The following DHX30 variants were observed in gnomAD, a reference collection of about 807,000 sequenced individuals.
DHX30 encodes ATP-dependent RNA helicase DHX30.
In DHX30, 4 loss-of-function variants were observed where a neutral mutation model predicts 116.9. That is an observed-to-expected ratio of 0.03 (90% CI 0.02 to 0.08). DHX30 has a LOEUF of 0.08. DHX30 is among the 10% of genes least tolerant of loss of function. The pLI, the probability that DHX30 is intolerant of heterozygous loss-of-function variation, is 1.00. For synonymous variants in DHX30, 697 were observed against 651.7 expected, an observed-to-expected ratio of 1.07 and a Z score of -1.06; for missense variants, 871 against 1,595.1, an observed-to-expected ratio of 0.55 and a Z score of 7.73.
chr3:47,803,571 A>G (rs976324646), intron 1 of DHX30, among the ~76,000 whole-genome samples: 2 of 152,148 alleles, frequency 1.3e-5, no homozygotes, highest in Non-Finnish European at 2.9e-5. Context: ...TTCCCCAGGC[A>G]GGGCCTGGAG....
chr3:47,843,346 GA>G, intron 9 of DHX30, 91 bp downstream of exon 9: 1 of 1,544,338 alleles, frequency 6.5e-7, no homozygotes, highest in Non-Finnish European at 8.8e-7. Context: ...TCTAGGAAAT[GA>G]AACCACCACA....
chr3:47,842,099 TCG>T (rs2037401534), intron 8 of DHX30: 1 of 204,212 alleles, frequency 4.9e-6, no homozygotes. Context: ...TTACTTTAAC[TCG>T]TTGCTTTGAA....
chr3:47,808,554 T>C (rs1464337667), intron 2 of DHX30, among the ~76,000 whole-genome samples: 1 of 151,544 alleles, frequency 6.6e-6, no homozygotes, highest in African/African-American at 2.4e-5. Flanking sequence ...ATTGTTTCTT[T>C]TTTTTTTTTC....
rs1327504985 is a variant in DHX30 at position 47,827,430 on chromosome 3, G to A, written c.208G>A (p.Ala70Thr). The change falls in exon 5 of 22, where the codon GCA (alanine) becomes ACA (threonine). Residue 70 changes from alanine to threonine, a missense_variant. Ala to Thr is a moderately conservative substitution (Grantham distance 58). Around this residue, in one of 13 missense-constraint regions of DHX30, gnomAD observed 66 missense variants for 153.9 expected, o/e 0.43. Coordinates refer to ENST00000445061, the MANE Select transcript of DHX30 (RefSeq NM_138615.3). ...TGGAAGAGCCCTCGGCATCTCACAT[G>A]CAAAAGACAAACTAGTCTACGTGCA... ...VIGRALGISH[A>T]KDKLVYVHTN... 6.2e-7 allele frequency: 1 copy of A among 1,613,820 alleles called. No individual in the cohort carries two copies. The highest frequency in any genetic ancestry group is 8.5e-7 in the Non-Finnish European group (1 of 1,179,924).
At chr3:47,819,802 T>C (rs1169853217) in intron 4 of DHX30, among the ~76,000 whole-genome samples, 1 of 152,168 alleles carries the variant, frequency 6.6e-6, no homozygotes, top group Non-Finnish European at 1.5e-5. Context: ...CCACTGCCAA[T>C]GTCTTCCCAA....
intron 2 of DHX30, among the ~76,000 whole-genome samples, chr3:47,805,685 C>G (rs1396895626): frequency 6.6e-6 from 1 of 151,886 alleles, no homozygotes; most frequent in African/African-American, 2.4e-5. Flanking sequence ...ATTACAGGCG[C>G]CTGCCACCAT....
chr3:47,805,037 C>T (rs2035455151), intron 1 of DHX30, among the ~76,000 whole-genome samples: 1 of 152,190 alleles, frequency 6.6e-6, no homozygotes, highest in African/African-American at 2.4e-5. Flanking sequence ...TTGCTCTGGG[C>T]TTCCAGAAAA....
In DHX30 at chr3:47,818,061, C is replaced by T. The variant is rs141621111; in HGVS notation, c.68C>T (p.Pro23Leu). ...QHRQRQCKLPPPRLPPMCVNP... is the reference protein window; with the variant it reads ...QHRQRQCKLPLPRLPPMCVNP... ...AGGCAGCGTCAGTGCAAACTTCCCC[C>T]ACCCCGCCTTCCACCCATGTGTGTC... The change falls in exon 4 of 22, where the codon CCA becomes CTA. Residue 23 changes from proline (P) to leucine (L), a missense_variant. Coordinates refer to ENST00000445061, the MANE Select transcript of DHX30 (RefSeq NM_138615.3). The T allele has an allele frequency of 5.1e-6, 4 of 781,074 alleles. No homozygotes were observed. The highest frequency in any genetic ancestry group is 1.7e-5 in the Admixed American group (1 of 59,026). The allele number at this position is 781,074 out of a possible 1,614,324, so 48.4% of individuals were successfully genotyped here.
intron 8 of DHX30, chr3:47,842,746 G>A (rs2037437895): frequency 5.2e-6 from 1 of 191,794 alleles, no homozygotes; most frequent in Non-Finnish European, 1.1e-5. Flanking sequence ...TCCAGGTGCA[G>A]GGTCTTTTTG....
At chr3:47,806,234 C>G (rs1418032011) in intron 2 of DHX30, among the ~76,000 whole-genome samples, 4 of 151,604 alleles carry the variant, frequency 2.6e-5, no homozygotes, top group Non-Finnish European at 5.9e-5. Flanking sequence ...ACCTCTGCCT[C>G]CTGGGTTCAA....
intron 6 of DHX30, among the ~76,000 whole-genome samples, chr3:47,838,736 C>T (rs1158157991): frequency 1.3e-5 from 2 of 152,190 alleles, no homozygotes; most frequent in Non-Finnish European, 2.9e-5. Context: ...TTTACCACTC[C>T]CAGTGGCAGC....
chr3:47,821,889 G>A (rs992200184), intron 4 of DHX30, among the ~76,000 whole-genome samples: 2 of 152,100 alleles, frequency 1.3e-5, no homozygotes, highest in Non-Finnish European at 2.9e-5. Context: ...ATGAGCCACC[G>A]TACCTGGTCT....
intron 3 of DHX30, among the ~76,000 whole-genome samples, chr3:47,812,375 T>G (rs1185566794): frequency 6.6e-6 from 1 of 150,590 alleles, no homozygotes; most frequent in Non-Finnish European, 1.5e-5. Flanking sequence ...CTGGCCAACA[T>G]GATGAGACCC....
chr3:47,848,348 C>T lies in DHX30; in HGVS notation c.2455C>T (p.Leu819=). 1 of 1,614,118 alleles carries T rather than the reference C, an allele frequency of 6.2e-7. No individual in the cohort carries two copies. Among genetic ancestry groups the T allele is most frequent in the East Asian group, 2.2e-5 (1 of 44,888 alleles). Residue 819 remains leucine, a synonymous_variant, in exon 15 of 22, where the codon CTG becomes TTG. Transcript: ENST00000445061. This position sits in a 1 kb window ranked among gnomAD's most constrained non-coding sequence, Gnocchi z 9.4. ...GATCCTGCGCACACCTCTTGAGAAC[C>T]TGGTGCTGCAAGCGAAAATCCACAT... The part of the protein sequence containing the change: ...PEILRTPLEN[L]VLQAKIHMPE...
At position 47,827,439 on chromosome 3, in the gene DHX30, A is replaced by C; in HGVS notation, c.217A>C (p.Lys73Gln). The change falls in exon 5 of 22, where the codon AAA becomes CAA. Residue 73 changes from lysine (K) to glutamine (Q), a missense_variant. Transcript: ENST00000445061. ...RALGISHAKD[K>Q]LVYVHTNGPK... ...CCTCGGCATCTCACATGCAAAAGACAAACTAGTCTACGTGCACACAAATGG... is the reference window on the plus strand; with the variant it reads ...CCTCGGCATCTCACATGCAAAAGACCAACTAGTCTACGTGCACACAAATGG... The C allele has an allele frequency of 6.2e-7, 1 of 1,614,006 alleles. No individual in the cohort carries two copies. Among genetic ancestry groups the C allele is most frequent in the Non-Finnish European group, 8.5e-7 (1 of 1,179,948 alleles).
At chr3:47,825,275 C>A in intron 4 of DHX30, 1 of 564,014 alleles carries the variant, frequency 1.8e-6, no homozygotes, top group South Asian at 2.1e-5. Context: ...GGCGGGCGGT[C>A]CGCAGCGCCC....
chr3:47,825,056 G>T, intron 4 of DHX30: 2 of 662,342 alleles, frequency 3.0e-6, no homozygotes, highest in South Asian at 1.6e-5. Context: ...GCCGCTAGGA[G>T]ACTCATGGCG....
intron 3 of DHX30, chr3:47,817,083 A>AAAGATGTTCATTTGTGG: frequency 2.1e-6 from 1 of 473,428 alleles, no homozygotes; most frequent in Non-Finnish European, 2.8e-6. Flanking sequence ...TGCATTCCAC[A>AAAGATGTTCATTTGTGG]AATGAACATC....
chr3:47,820,507 T>C (rs2036250413), intron 4 of DHX30, among the ~76,000 whole-genome samples: 1 of 152,146 alleles, frequency 6.6e-6, no homozygotes, highest in African/African-American at 2.4e-5. Flanking sequence ...TGCCAAAATA[T>C]AGGCTGAGAC....
Sources: gnomAD v4.1 joint callset for allele counts (sites outside exome capture counted in the v4.1 genomes callset) on GRCh38, gnomAD v4.1.1 for gene constraint, gnomAD v4.1.1 regional missense constraint, Gnocchi (gnomAD v3.1) non-coding constraint, MANE v1.5 for transcripts, NCBI Gene and HGNC (gene_info 2026-07-23, HGNC 2026-07-21) for gene names.